The following NRK variants were observed in gnomAD, a reference collection of about 807,000 sequenced individuals.
The protein encoded by NRK is Nik related kinase, also known as nik-related protein kinase.
NRK carries 67 observed loss-of-function variants against 125.2 expected under a neutral mutation model. That is an observed-to-expected ratio of 0.54 (90% CI 0.44 to 0.66). The LOEUF (loss-of-function observed/expected upper bound fraction) is 0.66, where lower values mean the gene tolerates loss of function less well. Ranked by LOEUF, NRK falls within the 30% of genes least tolerant of loss-of-function variation. The pLI is 0.00. For synonymous variants in NRK, 458 were observed against 429.0 expected, an observed-to-expected ratio of 1.07 and a Z score of -0.84; for missense variants, 1,224 against 1,192.9, an observed-to-expected ratio of 1.03 and a Z score of -0.38.
chrX:105,885,244 A>G (rs1474210321), intron 4 of NRK, among the ~76,000 whole-genome samples: 1 of 112,382 alleles, frequency 8.9e-6, no homozygotes, highest in Admixed American at 9.4e-5. Flanking sequence ...ATGAATTCAA[A>G]GGAGGTCAGT....
intron 9 of NRK, among the ~76,000 whole-genome samples, chrX:105,903,036 A>G (rs1472860980): frequency 1.8e-5 from 2 of 111,379 alleles, no homozygotes; most frequent in South Asian, 3.9e-4. Flanking sequence ...TACCAAGGCC[A>G]GAACATTTAT....
chrX:105,905,595 G>A lies in NRK; in HGVS notation c.845+252G>A, dbSNP rs1409739882. Among the ~76,000 whole-genome samples, 3 of 112,673 alleles carry A rather than the reference G, an allele frequency of 2.7e-5. No homozygotes were observed. The East Asian group carries it at 8.4e-4, about 31-fold the overall frequency. On this transcript the variant is annotated intron_variant, in intron 10 of 28. Transcript: ENST00000243300. Reference sequence around the variant, plus strand: ...GTACTGCCATTAATGGGCATGTTCAGTTGTTTCCCCAGTAATGGGATGAAC... The same window carrying A: ...GTACTGCCATTAATGGGCATGTTCAATTGTTTCCCCAGTAATGGGATGAAC...
In NRK at chrX:105,957,019, A is replaced by G. The variant is rs2147809794; in HGVS notation, c.*1419A>G. On this transcript the variant is annotated 3_prime_UTR_variant, in exon 29 of 29. Transcript: ENST00000243300. ...AAACTACCTGGTTAACCAAAATACAAAAGCAGCTGACTATGTGTGATTTCA... is the reference window on the plus strand; with the variant it reads ...AAACTACCTGGTTAACCAAAATACAGAAGCAGCTGACTATGTGTGATTTCA... The G allele has an allele frequency of 8.9e-6, 1 of 112,485 alleles. No homozygotes were observed. The highest frequency in any genetic ancestry group is 2.8e-4 in the East Asian group (1 of 3,561). 9.3% of individuals were successfully genotyped at this position (112,485 alleles called of 1,213,427 possible). A position where few individuals can be genotyped will look rare whatever the true frequency, so the allele number is the denominator to read the frequency against.
chrX:105,898,741 A>T (rs1175266941), intron 8 of NRK, 27 bp downstream of exon 8: 1 of 1,098,895 alleles, frequency 9.1e-7, no homozygotes. Flanking sequence ...AGCCAGTGGA[A>T]ATTACAATTT....
Position 105,937,578 on chromosome X carries a change from C to T in NRK, c.3795C>T (p.Ile1265=). 8.4e-7 allele frequency: 1 copy of T among 1,188,579 alleles called. No homozygotes were observed. Among genetic ancestry groups the T allele is most frequent in the South Asian group, 1.9e-5 (1 of 53,038 alleles). Residue 1265 remains isoleucine, a synonymous_variant, in exon 22 of 29, where the codon ATC becomes ATT. Coordinates refer to ENST00000243300, the MANE Select transcript of NRK (RefSeq NM_198465.4). ...VLEPLNLLIT[I]SGHKNRLRVY... is the part of the protein sequence containing the mutation. The stretch of plus-strand genomic sequence containing the variant: ...AGCCACTCAATTTGCTGATTACCAT[C>T]TCAGGTTTGTTTAAGAACTAAAATT...
intron 2 of NRK, among the ~76,000 whole-genome samples, chrX:105,838,044 T>C (rs918843270): frequency 7.2e-5 from 8 of 110,781 alleles, no homozygotes; most frequent in African/African-American, 2.6e-4. Context: ...CTCTATAATC[T>C]CCAGGCTTTC....
rs765097889 is a variant in NRK, at chrX:105,899,882, C to A, written c.712-736C>A. Among the ~76,000 whole-genome samples the A allele has an allele frequency of 6.4e-5, 7 of 109,966 alleles. No individual in the cohort carries two copies. The East Asian group carries it at 2.0e-3, about 32-fold the overall frequency. The stretch of plus-strand genomic sequence containing the variant: ...ACTCGGGAGGCTGAGGCAAGAGAAT[C>A]GCTTGAACCCAGGAGGCAGAGGTTG... On this transcript the variant is annotated intron_variant, in intron 8 of 28. Coordinates refer to ENST00000243300, the MANE Select transcript of NRK (RefSeq NM_198465.4).
intron 20 of NRK, 67 bp from the exon 21 acceptor site, chrX:105,935,103 A>T (rs79871763): frequency 3.2e-6 from 3 of 932,897 alleles, no homozygotes; most frequent in Non-Finnish European, 4.5e-6. Flanking sequence ...TTAAAAAAAA[A>T]TTCTGTAACT....
chrX:105,893,658 A>G (rs1465083823), intron 5 of NRK, among the ~76,000 whole-genome samples, 174 bp from the exon 6 acceptor site: 1 of 110,739 alleles, frequency 9.0e-6, no homozygotes, highest in East Asian at 2.8e-4. Flanking sequence ...TTTTAATCCA[A>G]CTCTCTCTAA....
Position 105,937,525 on chromosome X carries a change from A to C in NRK, c.3742A>C (p.Arg1248=). ...TGACATTACTAAACTTATAAGGCGA[A>C]GACCATTCCGCCAGATTCAAGTCTT... The part of the protein sequence containing the change: ...KADITKLIRR[R]PFRQIQVLEP... The change falls in exon 22 of 29, where the codon AGA becomes CGA. Residue 1248 remains arginine (R), a synonymous_variant. Coordinates refer to ENST00000243300, the MANE Select transcript of NRK (RefSeq NM_198465.4). 1 of 1,202,542 alleles carries C rather than the reference A, an allele frequency of 8.3e-7. No individual in the cohort carries two copies.
chrX:105,940,726 T>G (rs979611688), intron 23 of NRK, among the ~76,000 whole-genome samples: 8 of 111,860 alleles, frequency 7.2e-5, no homozygotes, highest in African/African-American at 2.6e-4. Flanking sequence ...TGTCATCCCA[T>G]TCTGTTCTAT....
intron 2 of NRK, among the ~76,000 whole-genome samples, chrX:105,868,064 ATAAC>A (rs936311665): frequency 1.8e-5 from 2 of 111,467 alleles, no homozygotes; most frequent in East Asian, 2.8e-4. Flanking sequence ...AATAAAAACT[ATAAC>A]TAATTTTTAT....
At chrX:105,879,584 T>C (rs1312124372) in intron 2 of NRK, among the ~76,000 whole-genome samples, 3 of 111,273 alleles carry the variant, frequency 2.7e-5, no homozygotes, top group Admixed American at 1.9e-4. Flanking sequence ...ATTCCTTTTA[T>C]AAATATTTTT....
intron 4 of NRK, among the ~76,000 whole-genome samples, chrX:105,884,871 A>G (rs935383223): frequency 1.8e-5 from 2 of 112,269 alleles, no homozygotes; most frequent in Non-Finnish European, 3.8e-5. Flanking sequence ...CAGTGGCACA[A>G]TCTTGGCCTC....
intron 9 of NRK, among the ~76,000 whole-genome samples, chrX:105,900,895 G>C (rs1426655050): frequency 1.8e-5 from 2 of 111,341 alleles, no homozygotes; most frequent in African/African-American, 6.5e-5. Flanking sequence ...AAATCAGCTT[G>C]TACTTTTCTT....
chrX:105,888,893 T>C (rs910118573), intron 5 of NRK, among the ~76,000 whole-genome samples: 4 of 111,415 alleles, frequency 3.6e-5, no homozygotes, highest in African/African-American at 1.3e-4. Context: ...CAATTCAAGA[T>C]ATTTGGGTGT....
intron 2 of NRK, among the ~76,000 whole-genome samples, chrX:105,864,139 G>A (rs1049865494): frequency 8.9e-6 from 1 of 112,157 alleles, no homozygotes; most frequent in South Asian, 3.7e-4. Flanking sequence ...CATATAATGA[G>A]AGGCAGAGTG....
At chrX:105,906,617 G>A in intron 11 of NRK, 28 bp downstream of exon 11, 2 of 778,073 alleles carry the variant, frequency 2.6e-6, no homozygotes, top group Admixed American at 3.5e-5. Context: ...TTATTTTACT[G>A]AAATGAATAT....
At chrX:105,929,895 T>C (rs186730220) in intron 19 of NRK, among the ~76,000 whole-genome samples, 2 of 111,747 alleles carry the variant, frequency 1.8e-5, no homozygotes, top group Admixed American at 9.5e-5. Flanking sequence ...ACTTTGAATA[T>C]ATCATCCTAT....
Sources: gnomAD v4.1 joint callset for allele counts (sites outside exome capture counted in the v4.1 genomes callset) on GRCh38, gnomAD v4.1.1 for gene constraint, MANE v1.5 for transcripts, NCBI Gene and HGNC (gene_info 2026-07-23, HGNC 2026-07-21) for gene names.